WDR93: variants seen among roughly 807,000 people sequenced by gnomAD.
WDR93 encodes WD repeat-containing protein 93.
A neutral mutation model predicts 82.9 loss-of-function variants in WDR93; 73 were observed. That is an observed-to-expected ratio of 0.88 (90% CI 0.73 to 1.07). WDR93 has a LOEUF of 1.07. Ranked by LOEUF, WDR93 falls within the 50% of genes least tolerant of loss-of-function variation. The probability of loss-of-function intolerance (pLI) is 0.00; values close to 1 mark genes in which losing one functional copy is unlikely to be tolerated. For missense variants in WDR93, 738 were observed against 826.0 expected (o/e 0.89, Z 1.31); for synonymous variants, 283 against 300.1 (o/e 0.94, Z 0.59).
chr15:89,735,464 ATGTC>A, intron 13 of WDR93, 22 bp from the exon 14 acceptor site: 1 of 1,611,324 alleles, frequency 6.2e-7, no homozygotes, highest in Non-Finnish European at 8.5e-7. Context: ...AAGTAGGAGA[ATGTC>A]TGTATATTTT....
At position 89,716,914 on chromosome 15, in the gene WDR93, T is replaced by TC. The variant is rs1966276210; in HGVS notation, c.763dup (p.Leu255ProfsTer16). 3.8e-6 allele frequency: 6 copies of TC among 1,561,984 alleles called. No individual in the cohort carries two copies. Among genetic ancestry groups the TC allele is most frequent in the Non-Finnish European group, 4.3e-6 (5 of 1,152,156 alleles). On this transcript the variant is annotated frameshift_variant, in exon 7 of 17. Transcript: ENST00000268130. LOFTEE classifies it high-confidence loss of function. ...AATTTCTCATTTTTCTTCTCAGAAC[T>TC]CCCTTGGTCCCATTTCTGCAGATCC...
At chr15:89,714,112 C>T (rs1184307732) in intron 5 of WDR93, 1 of 152,128 alleles carries the variant, frequency 6.6e-6, no homozygotes, top group Non-Finnish European at 1.5e-5. Context: ...CAGAAGAATT[C>T]TTTAGGTACA....
At chr15:89,727,515 C>T (rs1234728962) in intron 9 of WDR93, among the ~76,000 whole-genome samples, 187 bp downstream of exon 9, 1 of 152,124 alleles carries the variant, frequency 6.6e-6, no homozygotes, top group African/African-American at 2.4e-5. Flanking sequence ...CATTTGAGCC[C>T]CCAAATCTGA....
chr15:89,735,453 A>C, intron 13 of WDR93, 37 bp from the exon 14 acceptor site: 1 of 1,605,466 alleles, frequency 6.2e-7, no homozygotes, highest in Non-Finnish European at 8.5e-7. Flanking sequence ...TTAAACTCTT[A>C]AAGTAGGAGA....
At chr15:89,690,754 C>T, upstream of WDR93, 2 of 633,832 alleles carry the variant, frequency 3.2e-6, no homozygotes, top group South Asian at 4.0e-5. Context: ...CTGAGTCTCT[C>T]CGCCCCAGAG....
chr15:89,742,278 C>T (rs551229168), intron 16 of WDR93, among the ~76,000 whole-genome samples: 1 of 152,142 alleles, frequency 6.6e-6, no homozygotes, highest in South Asian at 2.1e-4. Flanking sequence ...ATCTTATCTC[C>T]ACATAGATGG....
chr15:89,743,144 A>T (rs1374634903), intron 16 of WDR93, 148 bp from the exon 17 acceptor site: 3 of 711,642 alleles, frequency 4.2e-6, no homozygotes, highest in Non-Finnish European at 7.2e-6. Context: ...GCTGTGTACC[A>T]GGCTGAGCCC....
At position 89,738,072 on chromosome 15, in the gene WDR93, C is replaced by G. The variant is rs757158100; in HGVS notation, c.1797C>G (p.Asp599Glu). ...GDYSHETAST[D>E]DAGIQYSVFY... ...ATTCACATGAAACTGCGTCCACCGA[C>G]GATGCTGGAATCCAATATTCTGTTT... Residue 599 changes from aspartate (D) to glutamate (E), a missense_variant, in exon 16 of 17, where the codon GAC becomes GAG. Asp to Glu is a conservative substitution (Grantham distance 45, BLOSUM62 2). Coordinates refer to ENST00000268130, the MANE Select transcript of WDR93 (RefSeq NM_020212.2). The G allele has an allele frequency of 5.0e-6, 8 of 1,613,144 alleles. No individual in the cohort carries two copies. In the African/African-American group the frequency reaches 1.1e-4, roughly 22 times the overall value.
At position 89,712,080 on chromosome 15, in the gene WDR93, G is replaced by T. The variant is rs1305334366; in HGVS notation, c.616G>T (p.Asp206Tyr). The change falls in exon 5 of 17, where the codon GAC becomes TAC. Residue 206 changes from aspartate to tyrosine, a missense_variant. Asp to Tyr is a radical substitution (Grantham distance 160, BLOSUM62 -3). Coordinates refer to ENST00000268130, the MANE Select transcript of WDR93 (RefSeq NM_020212.2). ...CIKMEISQGGDFAAFLLQGAG... is the reference protein window; with the variant it reads ...CIKMEISQGGYFAAFLLQGAG... Reference sequence around the variant, plus strand: ...AAAGATGGAGATCTCTCAAGGAGGGGACTTTGCAGCCTTCCTCCTACAAGG... The same window carrying T: ...AAAGATGGAGATCTCTCAAGGAGGGTACTTTGCAGCCTTCCTCCTACAAGG... The T allele has an allele frequency of 6.2e-7, 1 of 1,613,094 alleles. No individual in the cohort carries two copies. The highest frequency in any genetic ancestry group is 1.3e-5 in the African/African-American group (1 of 75,024).
At chr15:89,732,140 A>C (rs2141693870) in intron 12 of WDR93, among the ~76,000 whole-genome samples, 1 of 152,342 alleles carries the variant, frequency 6.6e-6, no homozygotes, top group South Asian at 2.1e-4. Context: ...CCTCTAGAGA[A>C]GCAGCTCCCT....
In WDR93 at chr15:89,718,198, G is replaced by A. The variant is rs540504920; in HGVS notation, c.795+1249G>A. Among the ~76,000 whole-genome samples the A allele has an allele frequency of 4.3e-4, 66 of 152,132 alleles. 1 individual carries two copies. Among genetic ancestry groups the A allele is most frequent in the African/African-American group, 1.6e-3 (66 of 41,482 alleles). ...TCTACAAAAAATACAAAAAATGGCC[G>A]GGTGCAGTGGCTCACGCCTGTAATC... On this transcript the variant is annotated intron_variant, in intron 7 of 16. Coordinates refer to ENST00000268130, the MANE Select transcript of WDR93 (RefSeq NM_020212.2).
chr15:89,709,030 G>A (rs962493721), intron 4 of WDR93, among the ~76,000 whole-genome samples: 4 of 152,224 alleles, frequency 2.6e-5, no homozygotes, highest in African/African-American at 4.8e-5. Context: ...TATTGCAGCC[G>A]TCCGGTGCAG....
intron 13 of WDR93, among the ~76,000 whole-genome samples, chr15:89,733,974 A>T (rs879288265): frequency 6.6e-6 from 1 of 151,990 alleles, no homozygotes; most frequent in Non-Finnish European, 1.5e-5. Context: ...TACCTAATGC[A>T]TGCAAATGAA....
chr15:89,708,125 G>A (rs1353133787), intron 4 of WDR93, among the ~76,000 whole-genome samples: 1 of 152,070 alleles, frequency 6.6e-6, no homozygotes, highest in African/African-American at 2.4e-5. Flanking sequence ...TGTTGCCTGG[G>A]GCAACACAAC....
chr15:89,741,506 G>A (rs78021630), intron 16 of WDR93, among the ~76,000 whole-genome samples: 5,778 of 152,282 alleles, frequency 0.038, 399 homozygotes, highest in African/African-American at 0.13. Context: ...GGGACTATCA[G>A]TGTGAGCCAC....
At chr15:89,707,845 G>A (rs895206100) in intron 4 of WDR93, among the ~76,000 whole-genome samples, 2 of 152,180 alleles carry the variant, frequency 1.3e-5, no homozygotes, top group Non-Finnish European at 2.9e-5. Context: ...GTACGTGAAT[G>A]TTCATAGCAG....
intron 1 of WDR93, among the ~76,000 whole-genome samples, chr15:89,697,304 T>G (rs1480522237): frequency 6.6e-6 from 1 of 152,200 alleles, no homozygotes; most frequent in Non-Finnish European, 1.5e-5. Context: ...TAAAATATTT[T>G]AAACATATAT....
intron 12 of WDR93, 54 bp from the exon 13 acceptor site, chr15:89,732,952 T>C: frequency 1.3e-6 from 2 of 1,558,060 alleles, no homozygotes; most frequent in Non-Finnish European, 1.8e-6. Flanking sequence ...CCTGTGCCCA[T>C]GGCCTCCTCC....
chr15:89,718,099 G>A (rs1966340950), intron 7 of WDR93, among the ~76,000 whole-genome samples: 1 of 152,104 alleles, frequency 6.6e-6, no homozygotes, highest in African/African-American at 2.4e-5. Context: ...CCAACACTTT[G>A]GGAGCCTAAG....
Sources: gnomAD v4.1 joint callset for allele counts (sites outside exome capture counted in the v4.1 genomes callset) on GRCh38, gnomAD v4.1.1 for gene constraint, MANE v1.5 for transcripts, NCBI Gene and HGNC (gene_info 2026-07-23, HGNC 2026-07-21) for gene names.